The following RAB8A variants were observed in gnomAD, a reference collection of about 807,000 sequenced individuals.
The protein encoded by RAB8A is RAB8A, member RAS oncogene family, also known as ras-related protein Rab-8A.
In RAB8A, 5 loss-of-function variants were observed where a neutral mutation model predicts 29.2. That is an observed-to-expected ratio of 0.17 (90% CI 0.09 to 0.36). RAB8A has a LOEUF of 0.36. RAB8A is among the 10% of genes least tolerant of loss of function. The pLI is 1.00. For missense variants in RAB8A, 171 were observed against 272.2 expected, an observed-to-expected ratio of 0.63 and a Z score of 2.62; for synonymous variants, 108 against 99.9, an observed-to-expected ratio of 1.08 and a Z score of -0.49.
chr19:16,129,322 G>T (rs1387855626), intron 6 of RAB8A, among the ~76,000 whole-genome samples: 1 of 152,182 alleles, frequency 6.6e-6, no homozygotes, highest in African/African-American at 2.4e-5. Context: ...AAGGTGCTCT[G>T]CGGAAGTGAG....
Position 16,122,325 on chromosome 19 carries a change from C to G in RAB8A, c.246+515C>G, listed in dbSNP as rs1440919783. 6.6e-6 allele frequency among the ~76,000 whole-genome samples: 1 copy of G among 152,206 alleles called. No individual in the cohort carries two copies. The highest frequency in any genetic ancestry group is 2.4e-5 in the African/African-American group (1 of 41,452). The stretch of plus-strand genomic sequence containing the variant: ...GCACCTTCTCTGGGCCAGGCCTTAA[C>G]TAGATGCAGAAGGCGGCCAGGGATG... On this transcript the variant is annotated intron_variant, in intron 3 of 7. Coordinates refer to ENST00000300935, the MANE Select transcript of RAB8A (RefSeq NM_005370.5). The surrounding 1 kb of genome is among the most constrained non-coding windows in gnomAD (Gnocchi z 4.7).
chr19:16,112,724 C>G (rs2090830066), intron 1 of RAB8A: 1 of 152,726 alleles, frequency 6.5e-6, no homozygotes, highest in African/African-American at 2.4e-5. Flanking sequence ...GACTCTAACC[C>G]ACACCATTCC....
intron 2 of RAB8A, among the ~76,000 whole-genome samples, chr19:16,120,728 G>A (rs191937114): frequency 9.0e-4 from 135 of 150,792 alleles, no homozygotes; most frequent in African/African-American, 1.9e-3. Flanking sequence ...GTTGTGTCTC[G>A]GCCTCCTAAG....
intron 1 of RAB8A, among the ~76,000 whole-genome samples, chr19:16,117,564 G>A (rs983825988): frequency 1.6e-4 from 25 of 152,112 alleles, no homozygotes; most frequent in South Asian, 4.1e-4. Context: ...TTTGAAGGCT[G>A]GGGAGGGGAC....
In RAB8A at chr19:16,125,010, C is replaced by A; in HGVS notation, c.247-460C>A. On this transcript the variant is annotated intron_variant, in intron 3 of 7. Transcript: ENST00000300935. This position sits in a 1 kb window ranked among gnomAD's most constrained non-coding sequence, Gnocchi z 5.0. Reference sequence around the variant, plus strand: ...ATGTCGGGTCAGGACTTCCTGGGCTCAGTTGTGCCTGGTAGGTGGCTCAGG... The same window carrying A: ...ATGTCGGGTCAGGACTTCCTGGGCTAAGTTGTGCCTGGTAGGTGGCTCAGG... 5.2e-6 allele frequency: 1 copy of A among 190,698 alleles called. No homozygotes were observed. The highest frequency in any genetic ancestry group is 1.1e-5 in the Non-Finnish European group (1 of 90,062). 11.8% of individuals were successfully genotyped at this position (190,698 alleles called of 1,614,324 possible).
intron 1 of RAB8A, 52 bp from the exon 2 acceptor site, chr19:16,118,174 C>A: frequency 6.4e-7 from 1 of 1,552,600 alleles, no homozygotes; most frequent in South Asian, 1.1e-5. Flanking sequence ...AGCTCAGACA[C>A]AACTTGGGAA....
Position 16,112,165 on chromosome 19 carries a change from G to C in RAB8A, c.124+140G>C, listed in dbSNP as rs1489327931. On this transcript the variant is annotated intron_variant, in intron 1 of 7. Transcript: ENST00000300935. ...GAGGGGGCCTAAAGGGAGAAGAGCA[G>C]TCGCCTGCACCGCCGTTCGGGGGTT... The C allele has an allele frequency of 2.4e-6, 3 of 1,269,470 alleles. No homozygotes were observed. The African/African-American group carries it at 4.5e-5, about 19-fold the overall frequency. The allele number at this position is 1,269,470 out of a possible 1,614,324, so 78.6% of individuals were successfully genotyped here.
chr19:16,123,082 G>A (rs3786568), intron 3 of RAB8A, among the ~76,000 whole-genome samples: 2 of 152,144 alleles, frequency 1.3e-5, no homozygotes, highest in African/African-American at 4.8e-5. Flanking sequence ...TTGTGCAGGC[G>A]CCATTGTCAT....
At chr19:16,114,259 C>T (rs934823886) in intron 1 of RAB8A, among the ~76,000 whole-genome samples, 3 of 151,788 alleles carry the variant, frequency 2.0e-5, no homozygotes, top group Non-Finnish European at 4.4e-5. Flanking sequence ...CAGAGCGAGA[C>T]CCTGTCTTAA....
In RAB8A at chr19:16,120,830, C is replaced by G. The variant is rs1466792953; in HGVS notation, c.186-920C>G. Among the ~76,000 whole-genome samples the G allele has an allele frequency of 2.0e-5, 3 of 151,986 alleles. No individual in the cohort carries two copies. In the South Asian group the frequency reaches 6.2e-4, roughly 31 times the overall value. Reference sequence around the variant, plus strand: ...TTCATTGTGTTGGTCAGGCCGGTCTCGAACTCCTGGCCTCAGGTGATCCAC... The same window carrying G: ...TTCATTGTGTTGGTCAGGCCGGTCTGGAACTCCTGGCCTCAGGTGATCCAC... On this transcript the variant is annotated intron_variant, in intron 2 of 7. Transcript: ENST00000300935.
chr19:16,132,343 G>A lies in RAB8A; in HGVS notation c.*39G>A, dbSNP rs117386753. The A allele has an allele frequency of 3.0e-3, 4,796 of 1,597,444 alleles. 13 individuals carry two copies. The highest frequency in any genetic ancestry group is 3.8e-3 in the Middle Eastern group (20 of 5,332). ...ACTCTGAGCCTCGCTCAGCCCAGCT[G>A]ACTGTGCCTGTTCTGAGTGAGCCCC... On this transcript the variant is annotated 3_prime_UTR_variant, in exon 8 of 8. Transcript: ENST00000300935. The surrounding 1 kb of genome is among the most constrained non-coding windows in gnomAD (Gnocchi z 5.6).
Position 16,111,988 on chromosome 19 carries a change from C to T in RAB8A, c.87C>T (p.Ser29=), listed in dbSNP as rs142905665. The T allele has an allele frequency of 1.2e-5, 19 of 1,614,046 alleles. No individual in the cohort carries two copies. The highest frequency in any genetic ancestry group is 1.6e-4 in the Middle Eastern group (1 of 6,062). The stretch of plus-strand genomic sequence containing the variant: ...AGACCTGTGTCCTGTTCCGCTTCTC[C>T]GAGGACGCCTTCAACTCCACTTTTA... ...VGKTCVLFRF[S]EDAFNSTFIS... The change falls in exon 1 of 8, where the codon TCC becomes TCT. Residue 29 remains serine (S), a synonymous_variant. Coordinates refer to ENST00000300935, the MANE Select transcript of RAB8A (RefSeq NM_005370.5).
In RAB8A at chr19:16,125,381, G is replaced by A; in HGVS notation, c.247-89G>A. 1 of 1,175,014 alleles carries A rather than the reference G, an allele frequency of 8.5e-7. No individual in the cohort carries two copies. The allele number at this position is 1,175,014 out of a possible 1,614,324, so 72.8% of individuals were successfully genotyped here. Reference sequence around the variant, plus strand: ...GGCCTGGCTGTGCAGTGGGTGCTGGGCTCCCCACCACTGTTCTCTGGTGCC... The same window carrying A: ...GGCCTGGCTGTGCAGTGGGTGCTGGACTCCCCACCACTGTTCTCTGGTGCC... On this transcript the variant is annotated intron_variant, in intron 3 of 7. Coordinates refer to ENST00000300935, the MANE Select transcript of RAB8A (RefSeq NM_005370.5). This position sits in a 1 kb window ranked among gnomAD's most constrained non-coding sequence, Gnocchi z 5.0.
Position 16,113,174 on chromosome 19 carries a change from A to G in RAB8A, c.124+1149A>G, listed in dbSNP as rs144919906. On this transcript the variant is annotated intron_variant, in intron 1 of 7. Transcript: ENST00000300935. ...GGCCCACAATGAAAAGGTTTGACCCAGGAGTAACACCTATTTGAGTGGCTT... is the reference window on the plus strand; with the variant it reads ...GGCCCACAATGAAAAGGTTTGACCCGGGAGTAACACCTATTTGAGTGGCTT... 6.9e-4 allele frequency among the ~76,000 whole-genome samples: 105 copies of G among 152,342 alleles called. 2 individuals carry two copies. The Middle Eastern group carries it at 0.027, about 39-fold the overall frequency.
rs928284754 is a variant in RAB8A at position 16,118,660 on chromosome 19, G to A, written c.185+374G>A. On this transcript the variant is annotated intron_variant, in intron 2 of 7. Coordinates refer to ENST00000300935, the MANE Select transcript of RAB8A (RefSeq NM_005370.5). ...GCAGGGACTGTGAGATGCCCCAGCC[G>A]AGAGTTTCCTTTTGAGCCTCTCAAC... is the stretch of plus-strand genomic sequence containing the variant. Among the ~76,000 whole-genome samples the A allele has an allele frequency of 2.6e-5, 4 of 152,180 alleles. No homozygotes were observed. The South Asian group carries it at 6.2e-4, about 24-fold the overall frequency.
intron 1 of RAB8A, among the ~76,000 whole-genome samples, chr19:16,117,186 A>ATTCAT (rs2090849920): frequency 1.3e-5 from 2 of 152,122 alleles, no homozygotes; most frequent in Admixed American, 1.3e-4. Context: ...TGGTGGACAT[A>ATTCAT]CTAGAAAGTT....
intron 2 of RAB8A, among the ~76,000 whole-genome samples, chr19:16,118,546 G>A (rs930905971): frequency 2.6e-5 from 4 of 152,242 alleles, no homozygotes; most frequent in South Asian, 2.1e-4. Context: ...GTGTTCCACA[G>A]TGGGCACCAT....
At chr19:16,113,483 C>T (rs1037111296) in intron 1 of RAB8A, among the ~76,000 whole-genome samples, 12 of 152,124 alleles carry the variant, frequency 7.9e-5, no homozygotes, top group African/African-American at 2.4e-4. Context: ...GTCACTACAA[C>T]CTCTGCCTCC....
Position 16,127,159 on chromosome 19 carries a change from G to A in RAB8A, c.325-278G>A, listed in dbSNP as rs1045647299. 6.6e-6 allele frequency among the ~76,000 whole-genome samples: 1 copy of A among 152,204 alleles called. No individual in the cohort carries two copies. Among genetic ancestry groups the A allele is most frequent in the Admixed American group, 6.5e-5 (1 of 15,276 alleles). On this transcript the variant is annotated intron_variant, in intron 4 of 7. Transcript: ENST00000300935. This position sits in a 1 kb window ranked among gnomAD's most constrained non-coding sequence, Gnocchi z 4.8. ...CCCGCCCAGCATCCCAGGTGCGGGG[G>A]CTTGATTGATACAGCCATAGAAGCT... is the stretch of plus-strand genomic sequence containing the variant.
Sources: allele counts gnomAD v4.1 joint callset (sites outside exome capture counted in the v4.1 genomes callset), GRCh38; gene constraint gnomAD v4.1.1; non-coding constraint Gnocchi (gnomAD v3.1); transcripts MANE v1.5; gene names NCBI Gene and HGNC (gene_info 2026-07-23, HGNC 2026-07-21).